The following MYO9A variants were observed in gnomAD, a reference collection of about 807,000 sequenced individuals.
MYO9A encodes myosin IXA.
In MYO9A, 103 loss-of-function variants were observed where a neutral mutation model predicts 293.3. That is an observed-to-expected ratio of 0.35 (90% CI 0.30 to 0.41). MYO9A has a LOEUF of 0.41. MYO9A is among the 10% of genes least tolerant of loss of function. MYO9A has a pLI of 1.00. For synonymous variants in MYO9A, 1,001 were observed against 1,035.7 expected (o/e 0.97, Z 0.64); for missense variants, 2,685 against 3,033.0 (o/e 0.89, Z 2.69).
chr15:72,046,671 T>C (rs2149697876), intron 1 of MYO9A, 37 bp from the exon 2 acceptor site: 1 of 1,329,078 alleles, frequency 7.5e-7, no homozygotes, highest in Non-Finnish European at 1.0e-6. Flanking sequence ...TAGAAGTAAA[T>C]ACACATTGCT....
At chr15:71,970,954 C>A (rs961934308) in intron 12 of MYO9A, among the ~76,000 whole-genome samples, 1 of 151,330 alleles carries the variant, frequency 6.6e-6, no homozygotes, top group African/African-American at 2.4e-5. Context: ...GTCAGGAGGT[C>A]GAGACCATCC....
In MYO9A at chr15:71,899,000, T is replaced by TTTCTTAGCCTTTGTTC. The variant is rs748161078; in HGVS notation, c.3502_3503insGAACAAAGGCTAAGAA (p.Glu1168GlyfsTer17). 1 of 1,611,192 alleles carries TTTCTTAGCCTTTGTTC rather than the reference T, an allele frequency of 6.2e-7. No homozygotes were observed. The highest frequency in any genetic ancestry group is 1.1e-5 in the South Asian group (1 of 90,882). Reference sequence around the variant, plus strand: ...CACCAATCCAACTTCTGGCTTTGTTTCTCTTAGCCTTTGTTCTTTTAAAGC... The same window carrying TTTCTTAGCCTTTGTTC: ...CACCAATCCAACTTCTGGCTTTGTTTTTCTTAGCCTTTGTTCCTCTTAGCCTTTGTTCTTTTAAAGC... On this transcript the variant is annotated frameshift_variant, in exon 25 of 42. Coordinates refer to ENST00000356056, the MANE Select transcript of MYO9A (RefSeq NM_006901.4). LOFTEE classifies it high-confidence loss of function.
intron 1 of MYO9A, among the ~76,000 whole-genome samples, chr15:72,097,755 C>T (rs966021406): frequency 4.6e-5 from 7 of 151,882 alleles, no homozygotes; most frequent in Admixed American, 3.9e-4. Context: ...ACTAAAAATA[C>T]AAAAATGAGC....
chr15:72,017,895 T>A (rs1007118942), intron 6 of MYO9A, among the ~76,000 whole-genome samples: 1 of 152,124 alleles, frequency 6.6e-6, no homozygotes, highest in Non-Finnish European at 1.5e-5. Flanking sequence ...ATTTTTGTGT[T>A]CTTTATGGTT....
At chr15:71,998,856 ACTGAGAATG>A (rs2076784361) in intron 9 of MYO9A, among the ~76,000 whole-genome samples, 1 of 152,010 alleles carries the variant, frequency 6.6e-6, no homozygotes, top group African/African-American at 2.4e-5. Flanking sequence ...GCGATAGTTT[ACTGAGAATG>A]ATGATTTCCA....
chr15:71,903,014 G>T lies in MYO9A; in HGVS notation c.2927C>A (p.Ser976Tyr), dbSNP rs2057528212. ...GAAGAAATCCTGAATGTTAAATTTG[G>T]ATGGAATAATATTTCGGGGAAGAAG... ...HVLLPRNIIP[S>Y]KFNIQDFFRK... The change falls in exon 22 of 42, where the codon TCC becomes TAC. Residue 976 changes from serine to tyrosine, a missense_variant. Physicochemically the swap from Ser to Tyr is moderately radical, Grantham distance 144. Transcript: ENST00000356056. 1.3e-6 allele frequency: 2 copies of T among 1,588,784 alleles called. No individual in the cohort carries two copies. Among genetic ancestry groups the T allele is most frequent in the South Asian group, 2.3e-5 (2 of 87,946 alleles).
chr15:72,019,147 T>A, intron 5 of MYO9A, 52 bp from the exon 6 acceptor site: 1 of 1,454,384 alleles, frequency 6.9e-7, no homozygotes, highest in Non-Finnish European at 9.7e-7. Context: ...TATACTCTTC[T>A]AATGATCTCT....
At chr15:72,105,455 G>A (rs937546312) in intron 1 of MYO9A, among the ~76,000 whole-genome samples, 76 of 151,558 alleles carry the variant, frequency 5.0e-4, no homozygotes, top group African/African-American at 1.8e-3. Flanking sequence ...TCAAACTGCT[G>A]GCCTCAAGCA....
chr15:71,961,846 T>C (rs1376324023), intron 13 of MYO9A, among the ~76,000 whole-genome samples: 2 of 152,116 alleles, frequency 1.3e-5, no homozygotes, highest in African/African-American at 4.8e-5. Flanking sequence ...CAGCCTTCCG[T>C]GTACCTGTGA....
intron 1 of MYO9A, among the ~76,000 whole-genome samples, chr15:72,112,084 A>C (rs1288409019): frequency 6.6e-6 from 1 of 152,206 alleles, no homozygotes; most frequent in Non-Finnish European, 1.5e-5. Context: ...TCACAGATAT[A>C]AAAGCCTATC....
chr15:71,832,899 T>G (rs1307521688), intron 39 of MYO9A, among the ~76,000 whole-genome samples: 1 of 152,112 alleles, frequency 6.6e-6, no homozygotes, highest in Non-Finnish European at 1.5e-5. Context: ...CTGTATTATC[T>G]GGGAAAAAGA....
At chr15:71,841,642 T>C (rs1418435481) in intron 39 of MYO9A, among the ~76,000 whole-genome samples, 1 of 151,858 alleles carries the variant, frequency 6.6e-6, no homozygotes, top group Non-Finnish European at 1.5e-5. Context: ...TTTAAATTTT[T>C]CTTTATTTTT....
intron 1 of MYO9A, among the ~76,000 whole-genome samples, chr15:72,056,287 C>T (rs1032027701): frequency 6.6e-6 from 1 of 152,168 alleles, no homozygotes; most frequent in Non-Finnish European, 1.5e-5. Flanking sequence ...GATACTCCCA[C>T]AGGCATGTTT....
intron 39 of MYO9A, among the ~76,000 whole-genome samples, chr15:71,846,536 T>G (rs1176969067): frequency 6.6e-6 from 1 of 152,190 alleles, no homozygotes; most frequent in Non-Finnish European, 1.5e-5. Context: ...AATACTAGAA[T>G]GAAATGAATT....
intron 27 of MYO9A, among the ~76,000 whole-genome samples, chr15:71,885,785 C>G: frequency 6.6e-6 from 1 of 152,226 alleles, no homozygotes; most frequent in East Asian, 1.9e-4. Flanking sequence ...TCCGTTTTCT[C>G]GGTTCTATCT....
chr15:72,026,220 C>T (rs2077663776), intron 4 of MYO9A, among the ~76,000 whole-genome samples: 1 of 140,262 alleles, frequency 7.1e-6, no homozygotes, highest in African/African-American at 2.6e-5. Context: ...TTGCAGTGAG[C>T]CGAAATCTCA....
chr15:71,902,527 G>GA (rs1183517309), intron 22 of MYO9A, among the ~76,000 whole-genome samples: 3 of 151,706 alleles, frequency 2.0e-5, no homozygotes, highest in East Asian at 3.9e-4. Context: ...TTTGTAAAAG[G>GA]AAAAAAAATC....
intron 2 of MYO9A, among the ~76,000 whole-genome samples, chr15:72,037,486 G>C (rs1385264310): frequency 1.3e-5 from 2 of 152,082 alleles, no homozygotes; most frequent in Non-Finnish European, 2.9e-5. Flanking sequence ...AGGTAAGGCA[G>C]AGTTGACAAC....
At chr15:72,008,481 G>T in intron 7 of MYO9A, among the ~76,000 whole-genome samples, 1 of 147,196 alleles carries the variant, frequency 6.8e-6, no homozygotes, top group African/African-American at 2.5e-5. Flanking sequence ...GTGTGAATGG[G>T]GTAAATGGGT....
Sources: allele counts gnomAD v4.1 joint callset (sites outside exome capture counted in the v4.1 genomes callset), GRCh38; gene constraint gnomAD v4.1.1; transcripts MANE v1.5; gene names NCBI Gene and HGNC (gene_info 2026-07-23, HGNC 2026-07-21).